The following SLC25A47 variants were observed in gnomAD, a reference collection of about 807,000 sequenced individuals.
SLC25A47 encodes solute carrier family 25 member 47.
A neutral mutation model predicts 29.8 loss-of-function variants in SLC25A47; 30 were observed. The observed-to-expected ratio is 1.01, with a 90% CI of 0.75 to 1.36. SLC25A47 has a LOEUF of 1.36. Ranked by LOEUF, SLC25A47 falls within the 40% of genes most tolerant of loss-of-function variation. SLC25A47 has a pLI of 0.00. For missense variants in SLC25A47, 430 were observed against 441.9 expected (o/e 0.97, Z 0.24); for synonymous variants, 204 against 197.8 (o/e 1.03, Z -0.26).
In SLC25A47 at chr14:100,327,159, C is replaced by G. The variant is rs766686858; in HGVS notation, c.145-29C>G. 7 of 1,575,702 alleles carry G rather than the reference C, an allele frequency of 4.4e-6. 1 individual carries two copies. In the South Asian group the frequency reaches 7.0e-5, roughly 16 times the overall value. On this transcript the variant is annotated intron_variant, in intron 3 of 5. Coordinates refer to ENST00000361529, the MANE Select transcript of SLC25A47 (RefSeq NM_207117.4). ...GGGTGGCTCCTCCTCCTGGCGGGGCCCTAGCCTGACCTGGATCCTGTCTGC... is the reference window on the plus strand; with the variant it reads ...GGGTGGCTCCTCCTCCTGGCGGGGCGCTAGCCTGACCTGGATCCTGTCTGC...
intron 3 of SLC25A47, 38 bp from the exon 4 acceptor site, chr14:100,327,150 T>C: frequency 6.5e-7 from 1 of 1,549,724 alleles, no homozygotes. Context: ...CTCCTCCTCC[T>C]GGCGGGGCCC....
chr14:100,326,262 A>G (rs1368628817), intron 3 of SLC25A47, 34 bp downstream of exon 3: 8 of 1,600,452 alleles, frequency 5.0e-6, no homozygotes, highest in Non-Finnish European at 6.8e-6. Flanking sequence ...GTAGGGAGAC[A>G]GGGAGGGGAT....
Position 100,326,145 on chromosome 14 carries a change from C to A in SLC25A47, c.73-12C>A, listed in dbSNP as rs1951519. ...TGGAGCCGCTCGTGCCTGAAGCCCACTTCTCCTGCAGGTCAGGATCCAGAC... is the reference window on the plus strand; with the variant it reads ...TGGAGCCGCTCGTGCCTGAAGCCCAATTCTCCTGCAGGTCAGGATCCAGAC... On this transcript the variant is annotated splice_polypyrimidine_tract_variant and intron_variant, in intron 2 of 5. Transcript: ENST00000361529. The A allele has an allele frequency of 0.73, 1,172,999 of 1,609,248 alleles. 430,528 individuals carry two copies. Among genetic ancestry groups the A allele is most frequent in the Admixed American group, 0.84 (50,194 of 59,740 alleles).
Position 100,329,517 on chromosome 14 carries a change from C to G in SLC25A47, c.799C>G (p.Arg267Gly). The change falls in exon 6 of 6, where the codon CGA becomes GGA. Residue 267 changes from arginine (R) to glycine (G), a missense_variant. Physicochemically the swap from Arg to Gly is moderately radical, Grantham distance 125. Transcript: ENST00000361529. ...GLLHCMVTSV[R>G]EEGPRVLFKG... Reference sequence around the variant, plus strand: ...CCTGCACTGTATGGTGACCAGCGTTCGAGAGGAGGGACCCCGGGTCCTTTT... The same window carrying G: ...CCTGCACTGTATGGTGACCAGCGTTGGAGAGGAGGGACCCCGGGTCCTTTT... 6.2e-7 allele frequency: 1 copy of G among 1,613,510 alleles called. No individual in the cohort carries two copies. The highest frequency in any genetic ancestry group is 1.1e-5 in the South Asian group (1 of 91,080).
At position 100,323,953 on chromosome 14, in the gene SLC25A47, C is replaced by T. The variant is rs1204686696; in HGVS notation, c.28+511C>T. ...GGCTAGGCCTCCAGAGCCTGCTTCT[C>T]AGGCCAGACTCTGCTGGAGAAACCG... is the stretch of plus-strand genomic sequence containing the variant. On this transcript the variant is annotated intron_variant, in intron 1 of 5. Transcript: ENST00000361529. 3.3e-5 allele frequency among the ~76,000 whole-genome samples: 5 copies of T among 152,296 alleles called. No homozygotes were observed. The East Asian group carries it at 5.8e-4, about 18-fold the overall frequency.
At chr14:100,323,480 C>T (rs764000362) in intron 1 of SLC25A47, 38 bp downstream of exon 1, 5 of 1,612,304 alleles carry the variant, frequency 3.1e-6, no homozygotes, top group Non-Finnish European at 4.2e-6. Context: ...GACACTGCTG[C>T]TCCTGGGGGT....
In SLC25A47 at chr14:100,326,233, G is replaced by T. The variant is rs755467747; in HGVS notation, c.144+5G>T. On this transcript the variant is annotated splice_donor_5th_base_variant and intron_variant, in intron 3 of 5. Transcript: ENST00000361529. ...GATACGTATCACCGAGAGCGCGTAG[G>T]TCTGGGGCCAGGGGCTGGGTAGGGA... The T allele has an allele frequency of 6.2e-7, 1 of 1,613,360 alleles. No homozygotes were observed. The highest frequency in any genetic ancestry group is 2.2e-5 in the East Asian group (1 of 44,890).
chr14:100,327,375 G>T lies in SLC25A47; in HGVS notation c.327+5G>T. 1 of 1,586,740 alleles carries T rather than the reference G, an allele frequency of 6.3e-7. No individual in the cohort carries two copies. The highest frequency in any genetic ancestry group is 2.2e-5 in the East Asian group (1 of 44,712). Reference sequence around the variant, plus strand: ...TGCGCCTCCGGCCTCGTCCGCGTGAGTAGGGGCAGCCAGGGTGGGGAAGGC... The same window carrying T: ...TGCGCCTCCGGCCTCGTCCGCGTGATTAGGGGCAGCCAGGGTGGGGAAGGC... On this transcript the variant is annotated splice_donor_5th_base_variant and intron_variant, in intron 4 of 5. Coordinates refer to ENST00000361529, the MANE Select transcript of SLC25A47 (RefSeq NM_207117.4).
At chr14:100,325,398 G>T (rs1050200398) in intron 1 of SLC25A47, among the ~76,000 whole-genome samples, 5 of 152,222 alleles carry the variant, frequency 3.3e-5, no homozygotes, top group Non-Finnish European at 4.4e-5. Flanking sequence ...TGGGCTGACG[G>T]CTTGAGGGCA....
Position 100,329,377 on chromosome 14 carries a change from T to C in SLC25A47, c.659T>C (p.Val220Ala). The C allele has an allele frequency of 6.2e-7, 1 of 1,604,234 alleles. No individual in the cohort carries two copies. The highest frequency in any genetic ancestry group is 8.5e-7 in the Non-Finnish European group (1 of 1,175,284). Residue 220 changes from valine (V) to alanine (A), a missense_variant, in exon 6 of 6, where the codon GTG becomes GCG. Val to Ala is a moderately conservative substitution (Grantham distance 64). Transcript: ENST00000361529. ...GGTCTCTCTGCAGATGTCCCGGGCG[T>C]GCTGGTGGCCGGGGGCTGTGCAGGA... Reference protein sequence around the residue: ...AGHSRPDVPGVLVAGGCAGVL... With the variant: ...AGHSRPDVPGALVAGGCAGVL...
chr14:100,329,176 A>C (rs1893401147), intron 5 of SLC25A47, 132 bp downstream of exon 5: 1 of 1,220,830 alleles, frequency 8.2e-7, no homozygotes, highest in African/African-American at 1.5e-5. Flanking sequence ...TGGGCTCCTC[A>C]GTTCTCCCAA....
At chr14:100,324,729 G>A (rs1893307158) in intron 1 of SLC25A47, among the ~76,000 whole-genome samples, 1 of 152,192 alleles carries the variant, frequency 6.6e-6, no homozygotes. Context: ...GTCAGCCCTC[G>A]GCCGTGTCCT....
rs8015259 is a variant in SLC25A47 at position 100,329,001 on chromosome 14, G to C, written c.603G>C (p.Ala201=). ...HSFATYFLSY[A]VLCEWLSPAG... is the part of the protein sequence containing the mutation. Reference sequence around the variant, plus strand: ...TTGCCACCTACTTCCTTTCCTACGCGGTCCTCTGCGAGTGGCTCAGCCCCG... The same window carrying C: ...TTGCCACCTACTTCCTTTCCTACGCCGTCCTCTGCGAGTGGCTCAGCCCCG... The change falls in exon 5 of 6, where the codon GCG becomes GCC. Residue 201 remains alanine, a synonymous_variant. Transcript: ENST00000361529. The C allele has an allele frequency of 0.26, 413,938 of 1,599,950 alleles. 56,151 individuals carry two copies. Among genetic ancestry groups the C allele is most frequent in the African/African-American group, 0.45 (33,998 of 74,992 alleles).
In SLC25A47 at chr14:100,329,014, T is replaced by G. The variant is rs1893396806; in HGVS notation, c.616T>G (p.Trp206Gly). Residue 206 changes from tryptophan to glycine, a missense_variant, in exon 5 of 6, where the codon TGG becomes GGG. Physicochemically the swap from Trp to Gly is radical, Grantham distance 184. Transcript: ENST00000361529. ...CCTTTCCTACGCGGTCCTCTGCGAG[T>G]GGCTCAGCCCCGCTGGCCACAGCCG... ...YFLSYAVLCEWLSPAGHSRPD... is the reference protein window; with the variant it reads ...YFLSYAVLCEGLSPAGHSRPD... The G allele has an allele frequency of 6.3e-7, 1 of 1,599,664 alleles. No individual in the cohort carries two copies. The highest frequency in any genetic ancestry group is 1.3e-5 in the African/African-American group (1 of 74,896).
rs3742380 is a variant in SLC25A47, at chr14:100,329,655, A to T, written c.*10A>T. On this transcript the variant is annotated 3_prime_UTR_variant, in exon 6 of 6. Coordinates refer to ENST00000361529, the MANE Select transcript of SLC25A47 (RefSeq NM_207117.4). ...GGGTCTGCTCACATAGCCGGTCCCC[A>T]CGCCCAGCGGCCCACCCACCAGCAG... The T allele has an allele frequency of 8.2e-4, 1,307 of 1,596,720 alleles. 14 individuals are homozygous for T. In the East Asian group the frequency reaches 0.027, roughly 33 times the overall value.
chr14:100,326,654 C>T (rs1376783972), intron 3 of SLC25A47, among the ~76,000 whole-genome samples: 1 of 152,196 alleles, frequency 6.6e-6, no homozygotes, highest in Non-Finnish European at 1.5e-5. Flanking sequence ...TTTGTGAAAG[C>T]AGCAGTGGCA....
At chr14:100,323,471 A>G (rs1307047670) in intron 1 of SLC25A47, 29 bp downstream of exon 1, 1 of 1,613,120 alleles carries the variant, frequency 6.2e-7, no homozygotes. Flanking sequence ...GGCTGTGCAG[A>G]CACTGCTGCT....
Position 100,329,477 on chromosome 14 carries a change from G to A in SLC25A47, c.759G>A (p.Arg253=), listed in dbSNP as rs1408416423. ...TGCAGGCAGACGGGCAGGGCCAGAG[G>A]CGCTACCGGGGTCTCCTGCACTGTA... ...SRLQADGQGQ[R]RYRGLLHCMV... Residue 253 remains arginine, a synonymous_variant, in exon 6 of 6, where the codon AGG becomes AGA. Coordinates refer to ENST00000361529, the MANE Select transcript of SLC25A47 (RefSeq NM_207117.4). 1 of 1,613,434 alleles carries A rather than the reference G, an allele frequency of 6.2e-7. No individual in the cohort carries two copies. The highest frequency in any genetic ancestry group is 1.1e-5 in the South Asian group (1 of 91,088).
At position 100,329,417 on chromosome 14, in the gene SLC25A47, T is replaced by C; in HGVS notation, c.699T>C (p.Ala233=). 1.2e-6 allele frequency: 2 copies of C among 1,612,954 alleles called. No individual in the cohort carries two copies. Among genetic ancestry groups the C allele is most frequent in the Non-Finnish European group, 1.7e-6 (2 of 1,179,936 alleles). Residue 233 remains alanine (A), a synonymous_variant, in exon 6 of 6, where the codon GCT becomes GCC. Transcript: ENST00000361529. ...AGGCAGVLAW[A]VATPMDVIKS... ...GCTGTGCAGGAGTCCTGGCCTGGGC[T>C]GTGGCCACCCCCATGGACGTGATCA...
Sources: allele counts gnomAD v4.1 joint callset (sites outside exome capture counted in the v4.1 genomes callset), GRCh38; gene constraint gnomAD v4.1.1; transcripts MANE v1.5; gene names NCBI Gene and HGNC (gene_info 2026-07-23, HGNC 2026-07-21).